The following VCP variants were observed in gnomAD, a reference collection of about 807,000 sequenced individuals.
VCP encodes the protein valosin containing protein, also known as transitional endoplasmic reticulum ATPase.
VCP carries 6 observed loss-of-function variants against 85.7 expected under a neutral mutation model. The observed-to-expected ratio is 0.07, with a 90% CI of 0.04 to 0.14. VCP has a LOEUF of 0.14. Ranked by LOEUF, VCP falls within the 10% of genes least tolerant of loss-of-function variation. The pLI is 1.00. For missense variants in VCP, 353 were observed against 1,043.4 expected (o/e 0.34, Z 9.12); for synonymous variants, 384 against 367.1 (o/e 1.05, Z -0.53).
In VCP at chr9:35,072,431, C is replaced by A; in HGVS notation, c.-78G>T. 2 of 1,418,644 alleles carry A rather than the reference C, an allele frequency of 1.4e-6. No homozygotes were observed. The highest frequency in any genetic ancestry group is 1.5e-5 in the African/African-American group (1 of 66,692). 87.9% of individuals were successfully genotyped at this position (1,418,644 alleles called of 1,614,324 possible). On this transcript the variant is annotated 5_prime_UTR_variant, in exon 1 of 17. Coordinates refer to ENST00000358901, the MANE Select transcript of VCP (RefSeq NM_007126.5). ...GAGCGGTGGCAAGCGACCGACTGGG[C>A]CGGGGCTCGGCTCTTCCAGGCGGTG...
At chr9:35,058,559 G>C (rs943639925) in intron 15 of VCP, among the ~76,000 whole-genome samples, 1 of 152,052 alleles carries the variant, frequency 6.6e-6, no homozygotes, top group Non-Finnish European at 1.5e-5. Flanking sequence ...TCAGGAGATC[G>C]AGACCATCCT....
chr9:35,057,288 C>T lies in VCP; in HGVS notation c.2316-66G>A, dbSNP rs1828628967. The T allele has an allele frequency of 2.5e-6, 4 of 1,613,428 alleles. No homozygotes were observed. In the Admixed American group the frequency reaches 5.0e-5, roughly 20 times the overall value. On this transcript the variant is annotated intron_variant, in intron 16 of 16. Transcript: ENST00000358901. ...GGCCTGTGTAAGATTTCCACAACTA[C>T]CCCTCTAGCTTCCTTAGGACTCCCA... is the stretch of plus-strand genomic sequence containing the variant.
chr9:35,061,772 G>T lies in VCP; in HGVS notation c.1082-83C>A, dbSNP rs557411981. On this transcript the variant is annotated intron_variant, in intron 9 of 16. Coordinates refer to ENST00000358901, the MANE Select transcript of VCP (RefSeq NM_007126.5). ...AGGCCTAGGGTGACCAACCATCTCA[G>T]CCAGCACAGGATTGTCCTAATGCCA... 29 of 1,390,484 alleles carry T rather than the reference G, an allele frequency of 2.1e-5. No homozygotes were observed. In the South Asian group the frequency reaches 3.1e-4, roughly 15 times the overall value. 86.1% of individuals were successfully genotyped at this position (1,390,484 alleles called of 1,614,324 possible). A position where few individuals can be genotyped will look rare whatever the true frequency, so the allele number is the denominator to read the frequency against.
Position 35,061,996 on chromosome 9 carries a change from T to C in VCP, c.1081+7A>G. Reference sequence around the variant, plus strand: ...AGGACGGGGTCAAAAGTATCTGGAGTCCTTACCAAATCGCCGTAGAGCTGG... The same window carrying C: ...AGGACGGGGTCAAAAGTATCTGGAGCCCTTACCAAATCGCCGTAGAGCTGG... On this transcript the variant is annotated splice_region_variant and intron_variant, in intron 9 of 16. Transcript: ENST00000358901. The C allele has an allele frequency of 6.2e-7, 1 of 1,613,912 alleles. No homozygotes were observed. Among genetic ancestry groups the C allele is most frequent in the Non-Finnish European group, 8.5e-7 (1 of 1,179,958 alleles).
At chr9:35,071,863 C>T in intron 1 of VCP, 1 of 994,014 alleles carries the variant, frequency 1.0e-6, no homozygotes, top group Non-Finnish European at 1.2e-6. Context: ...CTCCTGAGGC[C>T]TTCACATGGC....
chr9:35,062,840 C>T, intron 7 of VCP, 138 bp downstream of exon 7: 1 of 846,084 alleles, frequency 1.2e-6, no homozygotes, highest in Non-Finnish European at 2.0e-6. Flanking sequence ...CTGTCTGTAA[C>T]ATACCCCAGC....
intron 1 of VCP, among the ~76,000 whole-genome samples, chr9:35,071,431 T>C (rs1056759467): frequency 1.3e-5 from 2 of 150,740 alleles, no homozygotes; most frequent in Non-Finnish European, 2.9e-5. Context: ...GCCCGGGTAA[T>C]TTCTCAATAT....
In VCP at chr9:35,057,457, C is replaced by T. The variant is rs1828632857; in HGVS notation, c.2234G>A (p.Arg745His). The change falls in exon 16 of 17, where the codon CGT (arginine) becomes CAT (histidine). Residue 745 changes from arginine to histidine, a missense_variant. Coordinates refer to ENST00000358901, the MANE Select transcript of VCP (RefSeq NM_007126.5). ...HFEEAMRFAR[R>H]SVSDNDIRKY... ...CCGAATGTCATTGTCACTGACAGAA[C>T]GGCGCGCAAAGCGCATGGCTTCTTC... 1.9e-6 allele frequency: 3 copies of T among 1,614,182 alleles called. No homozygotes were observed. Among genetic ancestry groups the T allele is most frequent in the Non-Finnish European group, 1.7e-6 (2 of 1,180,050 alleles).
At chr9:35,069,661 A>G (rs1376756397) in intron 1 of VCP, among the ~76,000 whole-genome samples, 5 of 152,162 alleles carry the variant, frequency 3.3e-5, no homozygotes, top group African/African-American at 1.2e-4. Context: ...CATGGTGGTC[A>G]GGCTGGTCTC....
intron 15 of VCP, 170 bp from the exon 16 acceptor site, chr9:35,057,700 G>T: frequency 1.2e-6 from 1 of 835,286 alleles, no homozygotes; most frequent in Non-Finnish European, 2.0e-6. Flanking sequence ...TTAAAAACTT[G>T]TCAATGCACT....
intron 1 of VCP, among the ~76,000 whole-genome samples, chr9:35,070,259 C>G (rs1440451688): frequency 3.3e-5 from 5 of 152,146 alleles, no homozygotes; most frequent in African/African-American, 1.2e-4. Context: ...TCTTCCAATG[C>G]TTATCAACAC....
chr9:35,061,010 CT>C lies in VCP; in HGVS notation c.1359+4del. On this transcript the variant is annotated splice_donor_region_variant and intron_variant, in intron 11 of 16. Coordinates refer to ENST00000358901, the MANE Select transcript of VCP (RefSeq NM_007126.5). Reference sequence around the variant, plus strand: ...GTGTACCTGAGGCACGGGTGTGGTCCTTACCCGGAAGTCATCCATAGTAACT... The same window carrying C: ...GTGTACCTGAGGCACGGGTGTGGTCCTACCCGGAAGTCATCCATAGTAACT... The C allele has an allele frequency of 6.2e-7, 1 of 1,614,124 alleles. No homozygotes were observed. The highest frequency in any genetic ancestry group is 8.5e-7 in the Non-Finnish European group (1 of 1,180,034).
At chr9:35,061,266 G>A (rs1828715799) in intron 10 of VCP, 87 bp from the exon 11 acceptor site, 1 of 1,563,418 alleles carries the variant, frequency 6.4e-7, no homozygotes, top group Non-Finnish European at 8.8e-7. Context: ...TCCCCTGACT[G>A]CTATCCCTGG....
intron 8 of VCP, 29 bp from the exon 9 acceptor site, chr9:35,062,167 T>C: frequency 1.2e-5 from 19 of 1,614,150 alleles, no homozygotes; most frequent in East Asian, 2.2e-5. Flanking sequence ...TGGTCAGAAG[T>C]GAAGTCAGGG....
At position 35,057,502 on chromosome 9, in the gene VCP, T is replaced by C; in HGVS notation, c.2189A>G (p.Glu730Gly). The change falls in exon 16 of 17, where the codon GAG becomes GGG. Residue 730 changes from glutamate (E) to glycine (G), a missense_variant. Transcript: ENST00000358901. ...TTCTTCAAAGTGATCTCGACGGATCTCAGGCACTGGATCATCCTCTTCTAC... is the reference window on the plus strand; with the variant it reads ...TTCTTCAAAGTGATCTCGACGGATCCCAGGCACTGGATCATCCTCTTCTAC... Reference protein sequence around the residue: ...MEVEEDDPVPEIRRDHFEEAM... With the variant: ...MEVEEDDPVPGIRRDHFEEAM... The C allele has an allele frequency of 1.2e-6, 2 of 1,612,668 alleles. No homozygotes were observed. Among genetic ancestry groups the C allele is most frequent in the Non-Finnish European group, 1.7e-6 (2 of 1,180,036 alleles).
At position 35,056,521 on chromosome 9, in the gene VCP, G is replaced by A. The variant is rs55745923; in HGVS notation, c.*596C>T. On this transcript the variant is annotated 3_prime_UTR_variant, in exon 17 of 17. Coordinates refer to ENST00000358901, the MANE Select transcript of VCP (RefSeq NM_007126.5). ...TGGGAGTGGTGGGTAGCCCAAGGCT[G>A]TTCCCAGGAAAAGAAGCAGGCACAG... 2,076 of 161,934 alleles carry A rather than the reference G, an allele frequency of 0.013. 42 individuals are homozygous for A. Among genetic ancestry groups the A allele is most frequent in the Non-Finnish European group, 0.016 (1,137 of 73,074 alleles). 10.0% of individuals were successfully genotyped at this position (161,934 alleles called of 1,614,324 possible). A position where few individuals can be genotyped will look rare whatever the true frequency, so the allele number is the denominator to read the frequency against.
Position 35,061,187 on chromosome 9 carries a change from G to C in VCP, c.1195-8C>G. The C allele has an allele frequency of 6.2e-7, 1 of 1,612,740 alleles. No homozygotes were observed. The highest frequency in any genetic ancestry group is 2.2e-5 in the East Asian group (1 of 44,872). On this transcript the variant is annotated splice_region_variant and splice_polypyrimidine_tract_variant and intron_variant, in intron 10 of 16. Coordinates refer to ENST00000358901, the MANE Select transcript of VCP (RefSeq NM_007126.5). ...GTGAGTCTCATTGGCTACCTGCAGA[G>C]AAAGATCTACTTACTATGCTGCCTC...
rs1227590904 is a variant in VCP at position 35,061,695 on chromosome 9, G to GAACA, written c.1082-7_1082-6insTGTT. The GAACA allele has an allele frequency of 4.8e-6, 4 of 840,428 alleles. No homozygotes were observed. The Admixed American group carries it at 8.4e-5, about 18-fold the overall frequency. 52.1% of individuals were successfully genotyped at this position (840,428 alleles called of 1,614,324 possible). A position where few individuals can be genotyped will look rare whatever the true frequency, so the allele number is the denominator to read the frequency against. On this transcript the variant is annotated splice_polypyrimidine_tract_variant and splice_region_variant and intron_variant, in intron 9 of 16. Transcript: ENST00000358901. ...TACCTCCCTGTCAAAGCGACCTGTG[G>GAACA]GACAGTACACAAACATAAACAGGGC...
rs891559850 is a variant in VCP at position 35,072,096 on chromosome 9, A to T, written c.17+241T>A. 23 of 1,336,082 alleles carry T rather than the reference A, an allele frequency of 1.7e-5. No individual in the cohort carries two copies. The African/African-American group carries it at 3.0e-4, about 17-fold the overall frequency. The allele number at this position is 1,336,082 out of a possible 1,614,324, so 82.8% of individuals were successfully genotyped here. A position where few individuals can be genotyped will look rare whatever the true frequency, so the allele number is the denominator to read the frequency against. On this transcript the variant is annotated intron_variant, in intron 1 of 16. Coordinates refer to ENST00000358901, the MANE Select transcript of VCP (RefSeq NM_007126.5). ...GCCGGGGCCTGCATGACACAGCACG[A>T]TCCGGCCCAGGCTCCGACCCGGACC...
Sources: allele counts gnomAD v4.1 joint callset (sites outside exome capture counted in the v4.1 genomes callset), GRCh38; gene constraint gnomAD v4.1.1; transcripts MANE v1.5; gene names NCBI Gene and HGNC (gene_info 2026-07-23, HGNC 2026-07-21).